Variants in SEMA5A observed in about 807,000 individuals in gnomAD.
The protein encoded by SEMA5A is semaphorin-5A.
SEMA5A carries 55 observed loss-of-function variants against 135.5 expected under a neutral mutation model. The observed-to-expected ratio is 0.41, with a 90% CI of 0.33 to 0.51. The LOEUF is 0.51. SEMA5A is among the 20% of genes least tolerant of loss of function. The probability of loss-of-function intolerance (pLI) is 0.37; values close to 1 mark genes in which losing one functional copy is unlikely to be tolerated. For synonymous variants in SEMA5A, 580 were observed against 546.5 expected (o/e 1.06, Z -0.85); for missense variants, 1,290 against 1,419.9 (o/e 0.91, Z 1.47).
rs575497484 is a variant in SEMA5A at position 9,087,763 on chromosome 5, C to T, written c.2073+20377G>A. 5.6e-4 allele frequency among the ~76,000 whole-genome samples: 85 copies of T among 152,178 alleles called. 1 individual carries two copies. The highest frequency in any genetic ancestry group is 1.6e-3 in the African/African-American group (68 of 41,544). ...GTTACAAATCTGTTCTAGAAGTTGCCTAATAAGGTGGGATGTTTCTTATTC... is the reference window on the plus strand; with the variant it reads ...GTTACAAATCTGTTCTAGAAGTTGCTTAATAAGGTGGGATGTTTCTTATTC... On this transcript the variant is annotated intron_variant, in intron 16 of 22. Transcript: ENST00000382496.
chr5:9,361,170 G>A (rs1754677035), intron 3 of SEMA5A, among the ~76,000 whole-genome samples: 1 of 151,804 alleles, frequency 6.6e-6, no homozygotes, highest in Non-Finnish European at 1.5e-5. Flanking sequence ...AAGTTGGTGG[G>A]CGCCTGTAAT....
At chr5:9,122,198 G>T (rs895795717) in intron 14 of SEMA5A, among the ~76,000 whole-genome samples, 20 of 152,134 alleles carry the variant, frequency 1.3e-4, no homozygotes, top group Non-Finnish European at 2.5e-4. Context: ...TATTTAAACT[G>T]CTCTCTTGAT....
At chr5:9,128,241 G>A (rs1400375079) in intron 13 of SEMA5A, among the ~76,000 whole-genome samples, 3 of 152,190 alleles carry the variant, frequency 2.0e-5, no homozygotes. Flanking sequence ...TGAGGCCAGG[G>A]TTGAATCCTG....
chr5:9,465,932 G>C (rs1049955351), intron 1 of SEMA5A, among the ~76,000 whole-genome samples: 1 of 152,196 alleles, frequency 6.6e-6, no homozygotes, highest in African/African-American at 2.4e-5. Context: ...AAGTGAGAGA[G>C]TGAGAAGAGA....
At chr5:9,178,277 G>A (rs774900637) in intron 11 of SEMA5A, among the ~76,000 whole-genome samples, 1 of 150,862 alleles carries the variant, frequency 6.6e-6, no homozygotes, top group Non-Finnish European at 1.5e-5. Flanking sequence ...ACAAAAGTGA[G>A]CTCCTGAGTG....
chr5:9,207,135 A>ATATATATATATATATAT (rs1579614392), intron 8 of SEMA5A, among the ~76,000 whole-genome samples: 2 of 51,748 alleles, frequency 3.9e-5, no homozygotes, highest in South Asian at 7.9e-4. Flanking sequence ...TATATATATA[A>ATATATATATATATATAT]AGCTTAAAGG....
chr5:9,478,748 G>A (rs1759764746), intron 1 of SEMA5A, among the ~76,000 whole-genome samples: 1 of 152,198 alleles, frequency 6.6e-6, no homozygotes. Context: ...CTCATAGGTG[G>A]AAGAGACTTC....
chr5:9,338,143 C>T (rs1245289981), intron 3 of SEMA5A, among the ~76,000 whole-genome samples: 2 of 152,224 alleles, frequency 1.3e-5, no homozygotes, highest in African/African-American at 4.8e-5. Flanking sequence ...CAGAGGAATA[C>T]TGAATGCAAA....
chr5:9,243,023 A>C (rs1015764610), intron 5 of SEMA5A, among the ~76,000 whole-genome samples: 1 of 152,240 alleles, frequency 6.6e-6, no homozygotes, highest in Non-Finnish European at 1.5e-5. Context: ...AAGGAACTGC[A>C]GAGTGGTGCT....
At chr5:9,214,630 GA>G (rs2150394329) in intron 8 of SEMA5A, among the ~76,000 whole-genome samples, 2 of 152,284 alleles carry the variant, frequency 1.3e-5, no homozygotes, top group African/African-American at 4.8e-5. Context: ...TGTCACCATG[GA>G]AAAGCCAGTA....
At chr5:9,180,371 G>A (rs886132192) in intron 11 of SEMA5A, among the ~76,000 whole-genome samples, 2 of 152,070 alleles carry the variant, frequency 1.3e-5, no homozygotes, top group Non-Finnish European at 2.9e-5. Flanking sequence ...TGTTATCAAA[G>A]AAGCACTCAA....
At chr5:9,240,081 T>G (rs1748118362) in intron 5 of SEMA5A, among the ~76,000 whole-genome samples, 1 of 152,042 alleles carries the variant, frequency 6.6e-6, no homozygotes, top group Non-Finnish European at 1.5e-5. Flanking sequence ...TGTGAGAGTT[T>G]TAAAAAATAT....
intron 5 of SEMA5A, among the ~76,000 whole-genome samples, chr5:9,238,639 A>G (rs958030796): frequency 6.6e-6 from 1 of 152,128 alleles, no homozygotes; most frequent in Non-Finnish European, 1.5e-5. Flanking sequence ...AAGGATGCCT[A>G]CAGGCATCCA....
chr5:9,108,052 A>G (rs1740016879), intron 16 of SEMA5A, 88 bp downstream of exon 16: 5 of 1,471,032 alleles, frequency 3.4e-6, no homozygotes, highest in Non-Finnish European at 4.6e-6. Context: ...TTTGCAGAAC[A>G]TCTAGTGTGT....
chr5:9,153,123 T>A (rs1439186232), intron 12 of SEMA5A, among the ~76,000 whole-genome samples: 1 of 151,606 alleles, frequency 6.6e-6, no homozygotes, highest in Non-Finnish European at 1.5e-5. Flanking sequence ...AGCTTCTGAG[T>A]TCCAAAGCCA....
intron 2 of SEMA5A, among the ~76,000 whole-genome samples, chr5:9,396,410 C>G (rs1756403745): frequency 6.6e-6 from 1 of 152,180 alleles, no homozygotes; most frequent in Non-Finnish European, 1.5e-5. Flanking sequence ...TCTTGATCCT[C>G]TGGCATTTGG....
intron 5 of SEMA5A, among the ~76,000 whole-genome samples, chr5:9,315,084 T>G (rs575736861): frequency 2.0e-5 from 3 of 152,154 alleles, no homozygotes; most frequent in African/African-American, 7.2e-5. Flanking sequence ...TATATACACA[T>G]GAGTTAATGG....
chr5:9,044,708 AATTATC>A (rs1736156103), intron 21 of SEMA5A, 124 bp from the exon 22 acceptor site: 2 of 750,904 alleles, frequency 2.7e-6, no homozygotes, highest in Admixed American at 2.6e-5. Flanking sequence ...AAATTAAGGA[AATTATC>A]ATTCTTAAGA....
chr5:9,077,408 A>G (rs1013298365), intron 16 of SEMA5A, among the ~76,000 whole-genome samples: 2 of 152,206 alleles, frequency 1.3e-5, no homozygotes, highest in Non-Finnish European at 1.5e-5. Flanking sequence ...GTTTCTTTCC[A>G]CTACTCTTAC....
Sources: gnomAD v4.1 joint callset for allele counts (sites outside exome capture counted in the v4.1 genomes callset) on GRCh38, gnomAD v4.1.1 for gene constraint, MANE v1.5 for transcripts, NCBI Gene and HGNC (gene_info 2026-07-23, HGNC 2026-07-21) for gene names.